OPCML: variants seen among roughly 807,000 people sequenced by gnomAD.
OPCML encodes opioid-binding protein/cell adhesion molecule.
A neutral mutation model predicts 37.8 loss-of-function variants in OPCML; 13 were observed. That is an observed-to-expected ratio of 0.34 (90% CI 0.22 to 0.55). The LOEUF (loss-of-function observed/expected upper bound fraction) is 0.55, where lower values mean the gene tolerates loss of function less well. OPCML is among the 20% of genes least tolerant of loss of function. The pLI, the probability that OPCML is intolerant of heterozygous loss-of-function variation, is 0.91. For missense variants in OPCML, 341 were observed against 435.6 expected (o/e 0.78, Z 1.93); for synonymous variants, 176 against 168.8 (o/e 1.04, Z -0.33).
Position 132,930,353 on chromosome 11 carries a change from GAC to G in OPCML, c.146+12571_146+12572del, listed in dbSNP as rs534833366. On this transcript the variant is annotated intron_variant, in intron 2 of 7. Transcript: ENST00000524381. The stretch of plus-strand genomic sequence containing the variant: ...CACTCCAGCCTGTGTGACAGGGTGA[GAC>G]AGTGTGGCACCCTGTCTCAAAAAAT... 2.8e-4 allele frequency among the ~76,000 whole-genome samples: 42 copies of G among 152,164 alleles called. 2 individuals are homozygous for G. In the South Asian group the frequency reaches 8.7e-3, roughly 32 times the overall value.
chr11:133,421,411 C>T (rs796769204), intron 1 of OPCML: 5 of 985,404 alleles, frequency 5.1e-6, no homozygotes, highest in African/African-American at 3.5e-5. Flanking sequence ...TCAGGCATTT[C>T]GTTGTGTATG....
intron 1 of OPCML, among the ~76,000 whole-genome samples, chr11:133,080,483 T>G (rs1035709145): frequency 1.1e-4 from 17 of 151,270 alleles, no homozygotes; most frequent in South Asian, 2.1e-4. Flanking sequence ...TGTTTTTTTT[T>G]TTTTTTTTTT....
At position 132,542,902 on chromosome 11, in the gene OPCML, T is replaced by A; in HGVS notation, c.380-13716A>T. ...AGATTAGATCACTGTGCCTCACCCC[T>A]GCACCCAAGTTGTGGTCATTGTGTG... On this transcript the variant is annotated intron_variant, in intron 3 of 7. Coordinates refer to ENST00000524381, the MANE Select transcript of OPCML (RefSeq NM_001012393.5). 1.3e-5 allele frequency among the ~76,000 whole-genome samples: 2 copies of A among 152,278 alleles called. 1 individual carries two copies. The highest frequency in any genetic ancestry group is 3.9e-4 in the East Asian group (2 of 5,180).
chr11:132,444,775 T>A (rs901915213), intron 4 of OPCML, among the ~76,000 whole-genome samples: 1 of 152,084 alleles, frequency 6.6e-6, no homozygotes, highest in Admixed American at 6.5e-5. Context: ...AGAACCCTAC[T>A]GGCAACAAGC....
In OPCML at chr11:133,086,997, G is replaced by A. The variant is rs530057665; in HGVS notation, c.62-143987C>T. 2.0e-4 allele frequency among the ~76,000 whole-genome samples: 30 copies of A among 152,262 alleles called. No homozygotes were observed. In the South Asian group the frequency reaches 6.0e-3, roughly 31 times the overall value. ...AGAACCTAAGTATACACTTGAGCCT[G>A]CCTGAGATGAGATTGCACTTAGAGT... On this transcript the variant is annotated intron_variant, in intron 1 of 7. Coordinates refer to ENST00000524381, the MANE Select transcript of OPCML (RefSeq NM_001012393.5).
At chr11:133,307,930 G>A (rs1477219974) in intron 1 of OPCML, among the ~76,000 whole-genome samples, 1 of 151,484 alleles carries the variant, frequency 6.6e-6, no homozygotes, top group Non-Finnish European at 1.5e-5. Context: ...ATCAAAAGTT[G>A]TATACCTTTT....
chr11:132,541,597 A>G (rs1565650114), intron 3 of OPCML, among the ~76,000 whole-genome samples: 1 of 151,804 alleles, frequency 6.6e-6, no homozygotes, highest in Non-Finnish European at 1.5e-5. Flanking sequence ...AGTTTGCCAC[A>G]CATCACTTAT....
intron 1 of OPCML, among the ~76,000 whole-genome samples, chr11:133,019,387 A>G (rs1947406657): frequency 6.6e-6 from 1 of 152,176 alleles, no homozygotes; most frequent in African/African-American, 2.4e-5. Flanking sequence ...AGTCCCCTCC[A>G]GTGAGCAGAG....
At position 132,836,702 on chromosome 11, in the gene OPCML, C is replaced by T. The variant is rs73585663; in HGVS notation, c.146+106224G>A. Reference sequence around the variant, plus strand: ...ACATCAAAGGACAGATAAATCCAACCACTGTGAGCTAGAGGCAAGGATATG... The same window carrying T: ...ACATCAAAGGACAGATAAATCCAACTACTGTGAGCTAGAGGCAAGGATATG... On this transcript the variant is annotated intron_variant, in intron 2 of 7. Transcript: ENST00000524381. Among the ~76,000 whole-genome samples the T allele has an allele frequency of 6.5e-3, 989 of 152,218 alleles. 11 individuals are homozygous for T. The highest frequency in any genetic ancestry group is 0.023 in the African/African-American group (946 of 41,534).
chr11:132,887,250 C>T (rs561660134), intron 2 of OPCML, among the ~76,000 whole-genome samples: 10 of 152,306 alleles, frequency 6.6e-5, no homozygotes, highest in Admixed American at 3.9e-4. Flanking sequence ...TAGGAGCAGT[C>T]GGCTCCACCA....
intron 1 of OPCML, among the ~76,000 whole-genome samples, chr11:133,231,744 A>G (rs930814089): frequency 2.0e-5 from 3 of 152,174 alleles, no homozygotes; most frequent in African/African-American, 7.2e-5. Flanking sequence ...ATGGGGTGAT[A>G]ACTATACCTA....
intron 1 of OPCML, among the ~76,000 whole-genome samples, chr11:133,196,442 C>A (rs1287755915): frequency 3.3e-5 from 5 of 152,172 alleles, no homozygotes; most frequent in Admixed American, 2.6e-4. Context: ...TTCATCTTTT[C>A]AAAAGTGAGA....
chr11:132,523,571 A>T (rs183910037), intron 4 of OPCML, among the ~76,000 whole-genome samples: 1 of 152,350 alleles, frequency 6.6e-6, no homozygotes. Context: ...TTTAGGAAGA[A>T]CTGACAAGTC....
chr11:132,705,220 C>T (rs745755037), intron 2 of OPCML, among the ~76,000 whole-genome samples: 1 of 151,366 alleles, frequency 6.6e-6, no homozygotes, highest in Non-Finnish European at 1.5e-5. Flanking sequence ...GTGGATTTCT[C>T]ACGGATGTTT....
At position 132,418,033 on chromosome 11, in the gene OPCML, G is replaced by A. The variant is rs868837701; in HGVS notation, c.*2160C>T. 2 of 152,276 alleles carry A rather than the reference G, an allele frequency of 1.3e-5. No individual in the cohort carries two copies. Among genetic ancestry groups the A allele is most frequent in the Middle Eastern group, 3.4e-3 (1 of 294 alleles). 9.4% of individuals were successfully genotyped at this position (152,276 alleles called of 1,614,324 possible). On this transcript the variant is annotated 3_prime_UTR_variant, in exon 8 of 8. Transcript: ENST00000524381. ...GCTTAGCATTTAGTGTGCCAAGATA[G>A]CCTATGTTTGTATGTATGTATATAT...
intron 1 of OPCML, among the ~76,000 whole-genome samples, chr11:133,323,258 A>G (rs11223437): frequency 0.34 from 51,795 of 152,082 alleles, 10,800 homozygotes; most frequent in East Asian, 0.66. Flanking sequence ...TCACCTCCTC[A>G]TCTGAGAAGC....
At position 133,044,189 on chromosome 11, in the gene OPCML, A is replaced by G. The variant is rs987103264; in HGVS notation, c.62-101179T>C. ...TGTGCATGTGCTTGCATGTGTGCACATGTGGGTGTGGATGGGTGTGCATGG... is the reference window on the plus strand; with the variant it reads ...TGTGCATGTGCTTGCATGTGTGCACGTGTGGGTGTGGATGGGTGTGCATGG... On this transcript the variant is annotated intron_variant, in intron 1 of 7. Transcript: ENST00000524381. 3.9e-5 allele frequency among the ~76,000 whole-genome samples: 6 copies of G among 152,218 alleles called. No homozygotes were observed. The South Asian group carries it at 8.3e-4, about 21-fold the overall frequency.
intron 1 of OPCML, among the ~76,000 whole-genome samples, chr11:133,471,135 G>A (rs1947102782): frequency 6.6e-6 from 1 of 152,176 alleles, no homozygotes; most frequent in Non-Finnish European, 1.5e-5. Context: ...TACAGGAAAT[G>A]AGTAGTTCAG....
At chr11:132,954,940 T>G (rs893727882) in intron 1 of OPCML, among the ~76,000 whole-genome samples, 3 of 152,086 alleles carry the variant, frequency 2.0e-5, no homozygotes, top group Admixed American at 1.3e-4. Flanking sequence ...GCTAGCGGCA[T>G]CCACTACGAG....
Sources: allele counts gnomAD v4.1 joint callset (sites outside exome capture counted in the v4.1 genomes callset), GRCh38; gene constraint gnomAD v4.1.1; transcripts MANE v1.5; gene names NCBI Gene and HGNC (gene_info 2026-07-23, HGNC 2026-07-21).